GPC6: variants seen among roughly 807,000 people sequenced by gnomAD.
The protein encoded by GPC6 is glypican-6.
A neutral mutation model predicts 55.2 loss-of-function variants in GPC6; 14 were observed. The observed-to-expected ratio is 0.25, with a 90% CI of 0.17 to 0.40. The LOEUF (loss-of-function observed/expected upper bound fraction) is 0.40, where lower values mean the gene tolerates loss of function less well. Ranked by LOEUF, GPC6 falls within the 10% of genes least tolerant of loss-of-function variation. The pLI, the probability that GPC6 is intolerant of heterozygous loss-of-function variation, is 1.00. For missense variants in GPC6, 641 were observed against 708.5 expected (o/e 0.90, Z 1.08); for synonymous variants, 278 against 259.6 (o/e 1.07, Z -0.68).
intron 4 of GPC6, among the ~76,000 whole-genome samples, chr13:94,063,418 G>A (rs902947973): frequency 1.1e-4 from 17 of 152,234 alleles, no homozygotes; most frequent in African/African-American, 4.1e-4. Flanking sequence ...TAGAATGCTA[G>A]GGAGTGAAAA....
At chr13:93,886,979 T>C (rs774078789) in intron 3 of GPC6, among the ~76,000 whole-genome samples, 1 of 152,040 alleles carries the variant, frequency 6.6e-6, no homozygotes, top group Non-Finnish European at 1.5e-5. Context: ...ACATGCATTA[T>C]TCACTTTTTT....
At chr13:93,264,006 A>T (rs1340171931) in intron 1 of GPC6, among the ~76,000 whole-genome samples, 2 of 151,962 alleles carry the variant, frequency 1.3e-5, no homozygotes, top group Non-Finnish European at 2.9e-5. Context: ...GTATCTGTGG[A>T]TGGAGTTGTG....
At position 93,444,172 on chromosome 13, in the gene GPC6, T is replaced by TAAAAAGTC. The variant is rs536777794; in HGVS notation, c.161-101086_161-101079dup. ...AGTATCCACAGCAAAAAATTTCCAG[T>TAAAAAGTC]AAAAAGTCAAAATGCAATTCTTCTT... On this transcript the variant is annotated intron_variant, in intron 1 of 8. Transcript: ENST00000377047. Among the ~76,000 whole-genome samples, 859 of 146,782 alleles carry TAAAAAGTC rather than the reference T, an allele frequency of 5.9e-3. 11 individuals are homozygous for TAAAAAGTC. Among genetic ancestry groups the TAAAAAGTC allele is most frequent in the African/African-American group, 0.02 (825 of 40,282 alleles).
At chr13:94,363,413 T>C (rs1879146856) in intron 6 of GPC6, among the ~76,000 whole-genome samples, 1 of 152,182 alleles carries the variant, frequency 6.6e-6, no homozygotes, top group Non-Finnish European at 1.5e-5. Context: ...TCGATTCAGT[T>C]CTTTCCTGCT....
intron 3 of GPC6, among the ~76,000 whole-genome samples, chr13:93,904,513 G>C (rs911260187): frequency 1.4e-4 from 21 of 152,230 alleles, no homozygotes; most frequent in Non-Finnish European, 5.9e-5. Context: ...GAGCAGTCCA[G>C]TAAAAATGTT....
intron 4 of GPC6, among the ~76,000 whole-genome samples, chr13:94,158,827 A>T (rs1406143070): frequency 6.6e-6 from 1 of 152,166 alleles, no homozygotes; most frequent in African/African-American, 2.4e-5. Flanking sequence ...GGGCATCTCC[A>T]TTGACATGTG....
Position 93,955,636 on chromosome 13 carries a change from G to A in GPC6, c.712-72093G>A, listed in dbSNP as rs540698430. ...ATGGGAGCATCTCCTACACAAGCAA[G>A]AGCTGTTCACAGGAATGCTGAGATG... On this transcript the variant is annotated intron_variant, in intron 3 of 8. Coordinates refer to ENST00000377047, the MANE Select transcript of GPC6 (RefSeq NM_005708.5). 3.0e-4 allele frequency among the ~76,000 whole-genome samples: 45 copies of A among 152,260 alleles called. 1 individual carries two copies. The highest frequency in any genetic ancestry group is 8.3e-4 in the South Asian group (4 of 4,828).
chr13:94,357,026 A>G (rs772560070), intron 6 of GPC6, among the ~76,000 whole-genome samples: 1 of 152,308 alleles, frequency 6.6e-6, no homozygotes, highest in Admixed American at 6.5e-5. Flanking sequence ...CCTGTCATCA[A>G]TCTGGACCAT....
At chr13:93,851,304 G>C (rs935502113) in intron 3 of GPC6, among the ~76,000 whole-genome samples, 1 of 151,814 alleles carries the variant, frequency 6.6e-6, no homozygotes, top group African/African-American at 2.4e-5. Flanking sequence ...GATCTATTTG[G>C]TGTTAAATAC....
At chr13:94,309,522 T>TTTATATATATTATA (rs141371598) in intron 6 of GPC6, among the ~76,000 whole-genome samples, 1 of 151,966 alleles carries the variant, frequency 6.6e-6, no homozygotes, top group South Asian at 2.1e-4. Flanking sequence ...TCTTATTATA[T>TTTATATATATTATA]TTATAAGGAA....
In GPC6 at chr13:94,149,837, A is replaced by C. The variant is rs116775177; in HGVS notation, c.877+121943A>C. ...TTGTAGTTTGACCATGGCACTTCACACACTTCGCACGTTCTATCTCCTGTT... is the reference window on the plus strand; with the variant it reads ...TTGTAGTTTGACCATGGCACTTCACCCACTTCGCACGTTCTATCTCCTGTT... On this transcript the variant is annotated intron_variant, in intron 4 of 8. Transcript: ENST00000377047. Among the ~76,000 whole-genome samples, 1,292 of 151,968 alleles carry C rather than the reference A, an allele frequency of 8.5e-3. 22 individuals are homozygous for C. The highest frequency in any genetic ancestry group is 0.029 in the African/African-American group (1,215 of 41,446).
chr13:93,941,214 A>G (rs139262701), intron 3 of GPC6, among the ~76,000 whole-genome samples: 1 of 152,334 alleles, frequency 6.6e-6, no homozygotes, highest in East Asian at 1.9e-4. Context: ...AGCAACATAA[A>G]ATAGAAATCT....
At chr13:93,867,841 C>T (rs147161039) in intron 3 of GPC6, among the ~76,000 whole-genome samples, 11 of 151,852 alleles carry the variant, frequency 7.2e-5, no homozygotes, top group South Asian at 2.1e-4. Context: ...TTCAGTCTCA[C>T]GCTTTTCTTC....
chr13:93,824,649 T>TG (rs1032317465), intron 2 of GPC6, among the ~76,000 whole-genome samples: 2 of 151,764 alleles, frequency 1.3e-5, no homozygotes, highest in African/African-American at 4.8e-5. Context: ...ACTTGGAGCA[T>TG]GGGGGGTTAT....
At chr13:93,988,596 C>G (rs981743203) in intron 3 of GPC6, among the ~76,000 whole-genome samples, 2 of 152,078 alleles carry the variant, frequency 1.3e-5, no homozygotes, top group South Asian at 4.1e-4. Context: ...GATGGGTTCT[C>G]TTTTCTGTGT....
intron 1 of GPC6, among the ~76,000 whole-genome samples, chr13:93,230,753 A>G: frequency 6.6e-6 from 1 of 152,102 alleles, no homozygotes; most frequent in East Asian, 1.9e-4. Flanking sequence ...CAGAATTATG[A>G]CCTAAGTTTC....
intron 4 of GPC6, among the ~76,000 whole-genome samples, chr13:94,120,343 C>A (rs2138852591): frequency 6.6e-6 from 1 of 152,154 alleles, no homozygotes; most frequent in South Asian, 2.1e-4. Flanking sequence ...TGGACAAACC[C>A]TGCACCTGCC....
intron 1 of GPC6, among the ~76,000 whole-genome samples, chr13:93,436,577 A>C (rs961111178): frequency 6.6e-6 from 1 of 152,106 alleles, no homozygotes; most frequent in Non-Finnish European, 1.5e-5. Context: ...TCAGAGTCAC[A>C]CTTCTGCTTG....
In GPC6 at chr13:94,403,156, A is replaced by G. The variant is rs769310029; in HGVS notation, c.1607A>G (p.His536Arg). 3 of 1,613,776 alleles carry G rather than the reference A, an allele frequency of 1.9e-6. No individual in the cohort carries two copies. In the Admixed American group the frequency reaches 5.0e-5, roughly 27 times the overall value. Residue 536 changes from histidine (H) to arginine (R), a missense_variant, in exon 9 of 9, where the codon CAC (histidine) becomes CGC (arginine). Transcript: ENST00000377047. ...GACTCTTCTGCAGCCCAGCGTGGCC[A>G]CTCCCTGCTCTCCTGGTCTCTCACC... The part of the protein sequence containing the change: ...EVDSSAAQRG[H>R]SLLSWSLTCI...
Sources: allele counts gnomAD v4.1 joint callset (sites outside exome capture counted in the v4.1 genomes callset), GRCh38; gene constraint gnomAD v4.1.1; transcripts MANE v1.5; gene names NCBI Gene and HGNC (gene_info 2026-07-23, HGNC 2026-07-21).